Variants in MARS1 observed in about 807,000 individuals in gnomAD.
The protein encoded by MARS1 is methionyl-tRNA synthetase 1, also known as methionine--tRNA ligase, cytoplasmic.
MARS1 carries 80 observed loss-of-function variants against 119.5 expected under a neutral mutation model. The observed-to-expected ratio is 0.67, with a 90% CI of 0.56 to 0.81. The LOEUF (loss-of-function observed/expected upper bound fraction) is 0.81. Ranked by LOEUF, MARS1 falls within the 30% of genes least tolerant of loss-of-function variation. MARS1 has a pLI of 0.00. For synonymous variants in MARS1, 418 were observed against 433.4 expected (o/e 0.96, Z 0.44); for missense variants, 945 against 1,116.5 (o/e 0.85, Z 2.19).
intron 7 of MARS1, among the ~76,000 whole-genome samples, chr12:57,493,232 A>C (rs1876080566): frequency 7.2e-6 from 1 of 138,080 alleles, no homozygotes; most frequent in Non-Finnish European, 1.5e-5. Flanking sequence ...TGTTCTGTAG[A>C]TATTGATAAC....
intron 1 of MARS1, 153 bp from the exon 2 acceptor site, chr12:57,488,866 C>T: frequency 1.3e-6 from 1 of 766,328 alleles, no homozygotes. Context: ...TCCGGACCAC[C>T]CCCTTTCAGT....
chr12:57,515,976 C>T lies in MARS1; in HGVS notation c.2448C>T (p.Arg816=). 1 of 1,614,154 alleles carries T rather than the reference C, an allele frequency of 6.2e-7. No individual in the cohort carries two copies. Among genetic ancestry groups the T allele is most frequent in the African/African-American group, 1.3e-5 (1 of 75,030 alleles). The change falls in exon 19 of 21, where the codon CGC becomes CGT. Residue 816 remains arginine, a synonymous_variant. Transcript: ENST00000262027. ...ENDQIESLRQ[R]FGGGQAKTSP... ...ACCAGATTGAAAGTTTAAGGCAGCGCTTTGGAGGGGGCCAGGTGAGAAAGC... is the reference window on the plus strand; with the variant it reads ...ACCAGATTGAAAGTTTAAGGCAGCGTTTTGGAGGGGGCCAGGTGAGAAAGC...
intron 7 of MARS1, among the ~76,000 whole-genome samples, chr12:57,495,218 G>GC (rs1338574031): frequency 3.3e-5 from 5 of 150,246 alleles, no homozygotes; most frequent in Non-Finnish European, 7.4e-5. Context: ...GGCGGGCGCT[G>GC]CCCCCCACCT....
intron 10 of MARS1, among the ~76,000 whole-genome samples, chr12:57,501,993 C>T (rs1172126178): frequency 6.6e-6 from 1 of 151,280 alleles, no homozygotes; most frequent in African/African-American, 2.5e-5. Flanking sequence ...ACTGTTCCCC[C>T]TCCACCAAAA....
chr12:57,489,446 A>T lies in MARS1; in HGVS notation c.302A>T (p.Tyr101Phe). 1.2e-6 allele frequency: 2 copies of T among 1,614,044 alleles called. No individual in the cohort carries two copies. The highest frequency in any genetic ancestry group is 1.7e-6 in the Non-Finnish European group (2 of 1,180,010). The change falls in exon 4 of 21, where the codon TAC (tyrosine) becomes TTC (phenylalanine). Residue 101 changes from tyrosine (Y) to phenylalanine (F), a missense_variant. Tyr to Phe is a conservative substitution (Grantham distance 22). Transcript: ENST00000262027. ...TAGCCAGCTTTGTCTGCTGCCCTGT[A>T]CTATTTAGTGGTCCAAGGCAAGAAG... ...ELQPALSAAL[Y>F]YLVVQGKKGE...
rs1230918876 is a variant in MARS1, at chr12:57,490,273, CAG to C, written c.561_562del (p.Glu187AspfsTer25). The C allele has an allele frequency of 3.1e-6, 5 of 1,613,634 alleles. No individual in the cohort carries two copies. The highest frequency in any genetic ancestry group is 4.2e-6 in the Non-Finnish European group (5 of 1,180,042). ...ACCCAGGAACCATGTCAGCGAGCTG[CAG>C]AGACTGTACTGAAACAGCAAGGTGT... On this transcript the variant is annotated frameshift_variant, in exon 6 of 21. Transcript: ENST00000262027. LOFTEE classifies it high-confidence loss of function.
At chr12:57,501,442 T>G (rs1226186362) in intron 10 of MARS1, among the ~76,000 whole-genome samples, 1 of 152,200 alleles carries the variant, frequency 6.6e-6, no homozygotes, top group East Asian at 1.9e-4. Context: ...CCCAGCACTT[T>G]GGGAGGCCAA....
chr12:57,499,601 C>CA (rs753629572), intron 9 of MARS1, among the ~76,000 whole-genome samples: 1,155 of 67,296 alleles, frequency 0.017, 15 homozygotes, highest in African/African-American at 0.059. Flanking sequence ...GAGACTGTCT[C>CA]AAAAAAAAAA....
intron 10 of MARS1, among the ~76,000 whole-genome samples, chr12:57,502,411 C>T (rs534669845): frequency 6.6e-6 from 1 of 151,938 alleles, no homozygotes; most frequent in African/African-American, 2.4e-5. Context: ...AAACTCAGAT[C>T]AAAACTCACT....
chr12:57,495,499 C>T (rs867434800), intron 7 of MARS1, among the ~76,000 whole-genome samples: 4 of 151,500 alleles, frequency 2.6e-5, no homozygotes, highest in Non-Finnish European at 4.4e-5. Flanking sequence ...GGGGAAGAGG[C>T]GCTCCTCACT....
chr12:57,511,155 AT>A (rs376761350), intron 11 of MARS1, among the ~76,000 whole-genome samples: 2 of 150,184 alleles, frequency 1.3e-5, no homozygotes, highest in African/African-American at 4.9e-5. Flanking sequence ...AAAAAAAAAA[AT>A]TTTTTTTAGG....
intron 7 of MARS1, among the ~76,000 whole-genome samples, chr12:57,494,586 T>C (rs997930964): frequency 1.4e-5 from 2 of 146,982 alleles, no homozygotes; most frequent in African/African-American, 2.5e-5. Flanking sequence ...AGGACAATAG[T>C]GGAGGGAAGG....
In MARS1 at chr12:57,500,392, G is replaced by T; in HGVS notation, c.1163G>T (p.Arg388Leu). ...CTGCAAGATACTGTGGAGCAACTGCGATGTGAGCACTGTGCTCGCTTCCTG... is the reference window on the plus strand; with the variant it reads ...CTGCAAGATACTGTGGAGCAACTGCTATGTGAGCACTGTGCTCGCTTCCTG... Reference protein sequence around the residue: ...FVLQDTVEQLRCEHCARFLAD... With the variant: ...FVLQDTVEQLLCEHCARFLAD... The change falls in exon 10 of 21, where the codon CGA (arginine) becomes CTA (leucine). Residue 388 changes from arginine to leucine, a missense_variant. By Grantham distance (102) the Arg-to-Leu change is moderately radical (BLOSUM62 -2). Coordinates refer to ENST00000262027, the MANE Select transcript of MARS1 (RefSeq NM_004990.4). 6.2e-7 allele frequency: 1 copy of T among 1,614,184 alleles called. No homozygotes were observed. The highest frequency in any genetic ancestry group is 1.1e-5 in the South Asian group (1 of 91,080).
intron 8 of MARS1, 51 bp downstream of exon 8, chr12:57,498,324 G>C: frequency 6.3e-7 from 1 of 1,599,848 alleles, no homozygotes; most frequent in African/African-American, 1.3e-5. Context: ...GCGGGTCCCA[G>C]GGGAATAGGA....
chr12:57,514,644 G>C, intron 15 of MARS1, 76 bp from the exon 16 acceptor site: 2 of 1,578,754 alleles, frequency 1.3e-6, no homozygotes, highest in South Asian at 1.1e-5. Context: ...GTGGAAATTG[G>C]GTGAAATTCT....
intron 9 of MARS1, among the ~76,000 whole-genome samples, chr12:57,498,847 C>T (rs760783588): frequency 2.0e-5 from 3 of 152,154 alleles, no homozygotes; most frequent in Non-Finnish European, 4.4e-5. Context: ...AGAGACCAGA[C>T]GCAGGCTGAT....
At chr12:57,512,459 G>A (rs1315682765) in intron 14 of MARS1, 106 bp downstream of exon 14, 2 of 804,070 alleles carry the variant, frequency 2.5e-6, no homozygotes, top group Non-Finnish European at 4.1e-6. Context: ...TAGGAGTTGA[G>A]CTGAAATAGG....
At chr12:57,494,054 C>G (rs1876446821) in intron 7 of MARS1, among the ~76,000 whole-genome samples, 1 of 143,436 alleles carries the variant, frequency 7.0e-6, no homozygotes, top group South Asian at 2.1e-4. Flanking sequence ...CTCCCAGGTT[C>G]AAGTGATTCT....
rs1027867373 is a variant in MARS1, at chr12:57,498,285, T to G, written c.887+12T>G. 4 of 1,611,160 alleles carry G rather than the reference T, an allele frequency of 2.5e-6. No individual in the cohort carries two copies. In the African/African-American group the frequency reaches 5.3e-5, roughly 22 times the overall value. On this transcript the variant is annotated intron_variant, in intron 8 of 20. Transcript: ENST00000262027. The stretch of plus-strand genomic sequence containing the variant: ...GATGTCTTTGCCAGGTGGAGCCAGC[T>G]GCTCGGGGAGAGACCTCCTAAGGGA...
Sources: allele counts gnomAD v4.1 joint callset (sites outside exome capture counted in the v4.1 genomes callset), GRCh38; gene constraint gnomAD v4.1.1; transcripts MANE v1.5; gene names NCBI Gene and HGNC (gene_info 2026-07-23, HGNC 2026-07-21).